The following GRID1 variants were observed in gnomAD, a reference collection of about 807,000 sequenced individuals.
GRID1 encodes the protein glutamate ionotropic receptor delta type subunit 1, also known as glutamate receptor ionotropic, delta-1.
In GRID1, 28 loss-of-function variants were observed where a neutral mutation model predicts 98.0. The observed-to-expected ratio is 0.29, with a 90% CI of 0.21 to 0.39. The LOEUF (loss-of-function observed/expected upper bound fraction) is 0.39. Ranked by LOEUF, GRID1 falls within the 10% of genes least tolerant of loss-of-function variation. The pLI is 1.00. For missense variants in GRID1, 1,111 were observed against 1,340.5 expected (o/e 0.83, Z 2.67); for synonymous variants, 553 against 538.5 (o/e 1.03, Z -0.37).
chr10:86,114,124 G>T (rs1844535195), intron 4 of GRID1, among the ~76,000 whole-genome samples: 1 of 152,104 alleles, frequency 6.6e-6, no homozygotes, highest in Non-Finnish European at 1.5e-5. Flanking sequence ...TTCCCCAGCA[G>T]GGGCTCTCTG....
At chr10:86,085,530 C>T (rs1397905210) in intron 4 of GRID1, among the ~76,000 whole-genome samples, 2 of 152,196 alleles carry the variant, frequency 1.3e-5, no homozygotes, top group Non-Finnish European at 2.9e-5. Context: ...GCTCCAGGGA[C>T]CTGGGTGGGG....
rs992423920 is a variant in GRID1 at position 86,214,411 on chromosome 10, C to T, written c.236-7763G>A. Among the ~76,000 whole-genome samples, 10 of 152,178 alleles carry T rather than the reference C, an allele frequency of 6.6e-5. No individual in the cohort carries two copies. In the South Asian group the frequency reaches 2.1e-3, roughly 32 times the overall value. The stretch of plus-strand genomic sequence containing the variant: ...CCATCATTCCCTCTAGAGAACCTTC[C>T]ACACCGTCCCCAGTCTTCCCTCACC... On this transcript the variant is annotated intron_variant, in intron 2 of 15. Coordinates refer to ENST00000327946, the MANE Select transcript of GRID1 (RefSeq NM_017551.3).
chr10:86,344,024 TG>T lies in GRID1; in HGVS notation c.235+19916del, dbSNP rs567688258. 6.7e-3 allele frequency among the ~76,000 whole-genome samples: 1,025 copies of T among 152,364 alleles called. 5 individuals are homozygous for T. The highest frequency in any genetic ancestry group is 9.6e-3 in the Non-Finnish European group (654 of 68,030). ...AGGGCCACCGTTCATTGGCTGGCCC[TG>T]GCCGCCCCTTGGCACCACCCAGGAA... On this transcript the variant is annotated intron_variant, in intron 2 of 15. Coordinates refer to ENST00000327946, the MANE Select transcript of GRID1 (RefSeq NM_017551.3).
intron 2 of GRID1, among the ~76,000 whole-genome samples, chr10:86,248,078 C>A (rs1299242173): frequency 6.6e-6 from 1 of 152,246 alleles, no homozygotes; most frequent in African/African-American, 2.4e-5. Context: ...AACTGCCTCC[C>A]ACTTCCCCCA....
chr10:85,848,501 C>T (rs917126249), intron 8 of GRID1, among the ~76,000 whole-genome samples: 1 of 151,870 alleles, frequency 6.6e-6, no homozygotes, highest in Non-Finnish European at 1.5e-5. Context: ...AGGAGATATT[C>T]CCAATATAAC....
At chr10:86,132,662 C>T (rs1844855185) in intron 4 of GRID1, among the ~76,000 whole-genome samples, 1 of 152,200 alleles carries the variant, frequency 6.6e-6, no homozygotes, top group African/African-American at 2.4e-5. Flanking sequence ...GAAATATTTG[C>T]ATATATCATG....
intron 14 of GRID1, among the ~76,000 whole-genome samples, chr10:85,614,945 T>C (rs1842771493): frequency 6.6e-6 from 1 of 152,216 alleles, no homozygotes; most frequent in Non-Finnish European, 1.5e-5. Context: ...TCTTTAAGCC[T>C]GATCCATGGT....
chr10:85,724,383 G>A lies in GRID1; in HGVS notation c.1827C>T (p.Ile609=), dbSNP rs1841737429. ...PSASATLHSA[I]WIVYGAFVQQ... is the part of the protein sequence containing the mutation. ...GTACGAAGGCTCCATAGACAATCCA[G>A]ATGGCGCTGTGCAGAGTGGCAGAAG... Residue 609 remains isoleucine, a synonymous_variant, in exon 11 of 16, where the codon ATC becomes ATT. Coordinates refer to ENST00000327946, the MANE Select transcript of GRID1 (RefSeq NM_017551.3). 2.5e-6 allele frequency: 4 copies of A among 1,614,110 alleles called. No homozygotes were observed. Among genetic ancestry groups the A allele is most frequent in the Non-Finnish European group, 2.5e-6 (3 of 1,179,998 alleles).
At chr10:85,964,475 G>T (rs569527729) in intron 4 of GRID1, among the ~76,000 whole-genome samples, 12 of 152,292 alleles carry the variant, frequency 7.9e-5, no homozygotes, top group African/African-American at 2.9e-4. Flanking sequence ...AGAGGCCTCA[G>T]AAATAATGTT....
At chr10:86,130,261 G>C (rs1844815638) in intron 4 of GRID1, among the ~76,000 whole-genome samples, 1 of 152,244 alleles carries the variant, frequency 6.6e-6, no homozygotes, top group Admixed American at 6.5e-5. Flanking sequence ...CTCAAGCACA[G>C]ATGGCAGGTG....
chr10:85,608,143 C>T (rs758056727), intron 15 of GRID1, among the ~76,000 whole-genome samples: 4 of 152,164 alleles, frequency 2.6e-5, no homozygotes, highest in Non-Finnish European at 4.4e-5. Context: ...TCCATGACAC[C>T]AGTGTGTCAA....
rs554436932 is a variant in GRID1 at position 85,938,494 on chromosome 10, G to A, written c.727-22255C>T. Among the ~76,000 whole-genome samples, 190 of 152,232 alleles carry A rather than the reference G, an allele frequency of 1.2e-3. 1 individual carries two copies. The highest frequency in any genetic ancestry group is 1.7e-3 in the Non-Finnish European group (116 of 68,022). ...GTGTGCTCAGAGTTTTACATGGCTT[G>A]TCTCCCGTAACTCTCACAACAACGC... is the stretch of plus-strand genomic sequence containing the variant. On this transcript the variant is annotated intron_variant, in intron 4 of 15. Transcript: ENST00000327946.
chr10:85,605,581 G>T lies in GRID1; in HGVS notation c.2602-2880C>A, dbSNP rs540432397. The T allele has an allele frequency of 5.3e-5, 8 of 152,326 alleles. No homozygotes were observed. The East Asian group carries it at 1.5e-3, about 29-fold the overall frequency. 9.4% of individuals were successfully genotyped at this position (152,326 alleles called of 1,614,324 possible). A position where few individuals can be genotyped will look rare whatever the true frequency, so the allele number is the denominator to read the frequency against. On this transcript the variant is annotated intron_variant, in intron 15 of 15. Transcript: ENST00000327946. ...GGACTTTAAGGACCCCTTTGAAGAT[G>T]AAAAGAAAGAAAGTTTGAGTGGACT...
intron 4 of GRID1, among the ~76,000 whole-genome samples, chr10:86,103,069 T>C (rs1313022957): frequency 3.3e-5 from 5 of 152,214 alleles, no homozygotes; most frequent in African/African-American, 1.2e-4. Flanking sequence ...GTGAATCCAT[T>C]TAACCTCTTT....
intron 4 of GRID1, among the ~76,000 whole-genome samples, chr10:85,966,303 T>C (rs889530307): frequency 6.6e-6 from 1 of 152,134 alleles, no homozygotes; most frequent in Non-Finnish European, 1.5e-5. Flanking sequence ...ATAGGGACAT[T>C]GGGAAATCTC....
intron 4 of GRID1, among the ~76,000 whole-genome samples, chr10:86,010,597 T>C (rs1404964218): frequency 6.6e-6 from 1 of 152,066 alleles, no homozygotes; most frequent in Non-Finnish European, 1.5e-5. Flanking sequence ...GGAGAATGGA[T>C]TGCCTGAGCT....
intron 14 of GRID1, among the ~76,000 whole-genome samples, 188 bp from the exon 15 acceptor site, chr10:85,613,835 G>A (rs953311972): frequency 3.3e-5 from 5 of 152,076 alleles, no homozygotes; most frequent in East Asian, 1.9e-4. Flanking sequence ...TTCCCAAAAC[G>A]CACATTAGGT....
chr10:85,767,316 C>T (rs1053886737), intron 8 of GRID1, among the ~76,000 whole-genome samples: 1 of 152,270 alleles, frequency 6.6e-6, no homozygotes, highest in East Asian at 1.9e-4. Context: ...AATCCTATCC[C>T]CAACTTTATT....
At position 85,732,413 on chromosome 10, in the gene GRID1, C is replaced by A. The variant is rs78484852; in HGVS notation, c.1234-2799G>T. ...GGTACGGTGAAGGGGCATCTTAATT[C>A]TCTACTGTCTTGGCTTGGATGAGTG... is the stretch of plus-strand genomic sequence containing the variant. On this transcript the variant is annotated intron_variant, in intron 8 of 15. Transcript: ENST00000327946. 2.0e-3 allele frequency among the ~76,000 whole-genome samples: 305 copies of A among 152,312 alleles called. 1 individual carries two copies. Among genetic ancestry groups the A allele is most frequent in the African/African-American group, 7.2e-3 (299 of 41,566 alleles).
Sources: allele counts gnomAD v4.1 joint callset (sites outside exome capture counted in the v4.1 genomes callset), GRCh38; gene constraint gnomAD v4.1.1; transcripts MANE v1.5; gene names NCBI Gene and HGNC (gene_info 2026-07-23, HGNC 2026-07-21).